The following MBNL2 variants were observed in gnomAD, a reference collection of about 807,000 sequenced individuals.
MBNL2 encodes the protein muscleblind-like protein 2.
MBNL2 carries 17 observed loss-of-function variants against 41.9 expected under a neutral mutation model. The ratio of observed to expected loss-of-function variants is 0.41; its 90% CI spans 0.28 to 0.61. MBNL2 has a LOEUF of 0.61. Ranked by LOEUF, MBNL2 falls within the 20% of genes least tolerant of loss-of-function variation. The pLI is 0.35. For synonymous variants in MBNL2, 195 were observed against 182.9 expected, an observed-to-expected ratio of 1.07 and a Z score of -0.53; for missense variants, 336 against 505.6, an observed-to-expected ratio of 0.66 and a Z score of 3.22.
At chr13:97,195,788 C>T in the MBNL2 span, among the ~76,000 whole-genome samples, 1 of 152,046 alleles carries the variant, frequency 6.6e-6, no homozygotes, top group Non-Finnish European at 1.5e-5. Context: ...TTAATATTGC[C>T]AATTGACATG....
At chr13:97,304,088 T>C (rs2057898461) in intron 2 of MBNL2, among the ~76,000 whole-genome samples, 2 of 152,330 alleles carry the variant, frequency 1.3e-5, no homozygotes, top group African/African-American at 4.8e-5. Flanking sequence ...TATGACTTGA[T>C]ACCAGTGTTT....
At chr13:97,306,564 A>G (rs543268433) in intron 2 of MBNL2, among the ~76,000 whole-genome samples, 1 of 152,370 alleles carries the variant, frequency 6.6e-6, no homozygotes, top group East Asian at 1.9e-4. Flanking sequence ...ATTTGTAGAC[A>G]TGATGGAGAG....
At chr13:97,192,013 A>G in the MBNL2 span, among the ~76,000 whole-genome samples, 2 of 152,180 alleles carry the variant, frequency 1.3e-5, no homozygotes, top group Admixed American at 6.5e-5. Context: ...TGCTGTAGCT[A>G]TGTAAGATGG....
intron 1 of MBNL2, among the ~76,000 whole-genome samples, chr13:97,226,019 C>T (rs1039012150): frequency 6.6e-6 from 1 of 151,854 alleles, no homozygotes; most frequent in Non-Finnish European, 1.5e-5. Flanking sequence ...ATACTCTTCT[C>T]AGTTTTTTTT....
chr13:97,246,470 C>T (rs1349809491), intron 1 of MBNL2, among the ~76,000 whole-genome samples: 5 of 152,078 alleles, frequency 3.3e-5, no homozygotes, highest in South Asian at 2.1e-4. Flanking sequence ...AGACTGTTAA[C>T]GTATACAATA....
intron 1 of MBNL2, among the ~76,000 whole-genome samples, chr13:97,254,102 C>A (rs1463661085): frequency 6.6e-6 from 1 of 152,126 alleles, no homozygotes; most frequent in African/African-American, 2.4e-5. Context: ...GGTGGCCAGG[C>A]TTGTCTTGAA....
At chr13:97,308,162 C>A (rs1408267102) in intron 2 of MBNL2, among the ~76,000 whole-genome samples, 1 of 152,202 alleles carries the variant, frequency 6.6e-6, no homozygotes, top group Non-Finnish European at 1.5e-5. Context: ...CTGCCACATG[C>A]CTGCAGGCCC....
intron 2 of MBNL2, among the ~76,000 whole-genome samples, chr13:97,326,991 C>T (rs1013960195): frequency 5.9e-5 from 9 of 152,192 alleles, no homozygotes; most frequent in Admixed American, 3.3e-4. Flanking sequence ...CTCACCCACT[C>T]TAACCACAGC....
At chr13:97,151,988 C>T in the MBNL2 span, among the ~76,000 whole-genome samples, 1 of 152,038 alleles carries the variant, frequency 6.6e-6, no homozygotes, top group Non-Finnish European at 1.5e-5. Context: ...AAGCAGACAA[C>T]CAAGGATGAC....
intron 2 of MBNL2, among the ~76,000 whole-genome samples, chr13:97,303,356 T>G (rs919226992): frequency 5.3e-5 from 8 of 152,018 alleles, no homozygotes; most frequent in Non-Finnish European, 8.8e-5. Context: ...GGGCAATGGG[T>G]GGGGGTGCCC....
At chr13:97,196,083 T>C in the MBNL2 span, among the ~76,000 whole-genome samples, 28 of 152,140 alleles carry the variant, frequency 1.8e-4, no homozygotes, top group Non-Finnish European at 4.1e-4. Flanking sequence ...CAATAAGAAA[T>C]ATAATCTAAT....
At chr13:97,351,504 T>C (rs1276061902) in intron 5 of MBNL2, among the ~76,000 whole-genome samples, 1 of 152,232 alleles carries the variant, frequency 6.6e-6, no homozygotes, top group Non-Finnish European at 1.5e-5. Context: ...TTGACATCTG[T>C]TGTTTACTGT....
At chr13:97,367,072 C>CT (rs1356896800) in intron 8 of MBNL2, among the ~76,000 whole-genome samples, 4 of 152,204 alleles carry the variant, frequency 2.6e-5, no homozygotes, top group Non-Finnish European at 5.9e-5. Context: ...TGGTTCCCAC[C>CT]TTACAATCTG....
chr13:97,157,211 A>G, the MBNL2 span, among the ~76,000 whole-genome samples: 1 of 142,900 alleles, frequency 7.0e-6, no homozygotes, highest in Non-Finnish European at 1.5e-5. Flanking sequence ...TTGTTGGTGT[A>G]TAGGAATGCT....
chr13:97,250,027 G>T (rs199975941), intron 1 of MBNL2, among the ~76,000 whole-genome samples: 1 of 152,160 alleles, frequency 6.6e-6, no homozygotes, highest in Non-Finnish European at 1.5e-5. Flanking sequence ...AGTCTGGTTG[G>T]TTCTTCTTTC....
chr13:97,272,421 A>G (rs906279448), intron 1 of MBNL2, among the ~76,000 whole-genome samples: 2 of 152,112 alleles, frequency 1.3e-5, no homozygotes, highest in Admixed American at 1.3e-4. Flanking sequence ...CTCTAATGAT[A>G]GTTTCTTTCG....
intron 2 of MBNL2, 78 bp downstream of exon 2, chr13:97,276,487 A>G (rs963539203): frequency 5.2e-6 from 7 of 1,356,696 alleles, no homozygotes; most frequent in Non-Finnish European, 5.2e-6. Context: ...GCATTTTTAC[A>G]GAAGTTTAAA....
At chr13:97,207,671 C>T in the MBNL2 span, among the ~76,000 whole-genome samples, 2 of 152,206 alleles carry the variant, frequency 1.3e-5, no homozygotes, top group African/African-American at 4.8e-5. Context: ...AATTCCACCC[C>T]TGGCCCCTCC....
chr13:97,175,660 G>T, the MBNL2 span, among the ~76,000 whole-genome samples: 1 of 152,172 alleles, frequency 6.6e-6, no homozygotes, highest in Non-Finnish European at 1.5e-5. Flanking sequence ...CCCCCAACAA[G>T]AGCAGAGTTG....
Sources: gnomAD v4.1 joint callset for allele counts (sites outside exome capture counted in the v4.1 genomes callset) on GRCh38, gnomAD v4.1.1 for gene constraint, MANE v1.5 for transcripts, NCBI Gene and HGNC (gene_info 2026-07-23, HGNC 2026-07-21) for gene names.